Variants in EDIL3 observed in about 807,000 individuals in gnomAD.
EDIL3 encodes the protein EGF-like repeat and discoidin I-like domain-containing protein 3.
A neutral mutation model predicts 67.4 loss-of-function variants in EDIL3; 37 were observed. That is an observed-to-expected ratio of 0.55 (90% confidence interval 0.42 to 0.72). The LOEUF (loss-of-function observed/expected upper bound fraction) is 0.72, where lower values mean the gene tolerates loss of function less well. Among genes scored for constraint, EDIL3 ranks in the 30% least tolerant of loss-of-function variants. EDIL3 has a pLI of 0.00. For missense variants in EDIL3, 527 were observed against 586.3 expected, an observed-to-expected ratio of 0.90 and a Z score of 1.04; for synonymous variants, 195 against 196.3, an observed-to-expected ratio of 0.99 and a Z score of 0.05.
intron 9 of EDIL3, among the ~76,000 whole-genome samples, chr5:84,053,302 C>G (rs1029680500): frequency 1.3e-5 from 2 of 152,128 alleles, no homozygotes; most frequent in Non-Finnish European, 2.9e-5. Flanking sequence ...GGGACACATT[C>G]AAAGCAGTGG....
intron 2 of EDIL3, among the ~76,000 whole-genome samples, chr5:84,237,718 G>T (rs1468226977): frequency 1.3e-5 from 2 of 152,020 alleles, no homozygotes; most frequent in East Asian, 3.9e-4. Flanking sequence ...TTGTAAGAAA[G>T]ATTTTTAAAA....
chr5:84,369,978 A>T (rs1747811434), intron 1 of EDIL3, among the ~76,000 whole-genome samples: 1 of 152,190 alleles, frequency 6.6e-6, no homozygotes, highest in African/African-American at 2.4e-5. Flanking sequence ...CTAGAAATTA[A>T]CTGCCTTTCC....
chr5:84,161,096 GT>G (rs1345341964), intron 4 of EDIL3, among the ~76,000 whole-genome samples: 6 of 151,874 alleles, frequency 4.0e-5, no homozygotes, highest in Admixed American at 3.9e-4. Context: ...ACAATAGTTG[GT>G]TTTCCATTCC....
chr5:84,344,355 A>G, intron 1 of EDIL3, among the ~76,000 whole-genome samples: 1 of 152,146 alleles, frequency 6.6e-6, no homozygotes, highest in East Asian at 1.9e-4. Flanking sequence ...TCCAATGTTC[A>G]CCACTAGTCA....
intron 2 of EDIL3, among the ~76,000 whole-genome samples, chr5:84,252,044 G>A (rs1745032677): frequency 1.3e-5 from 2 of 152,184 alleles, no homozygotes; most frequent in Admixed American, 1.3e-4. Context: ...TTCTATAAGC[G>A]TTTAATTTCC....
At chr5:84,217,711 T>C (rs530309130) in intron 3 of EDIL3, among the ~76,000 whole-genome samples, 3 of 106,132 alleles carry the variant, frequency 2.8e-5, no homozygotes, top group African/African-American at 1.1e-4. Flanking sequence ...ATCTATCTAT[T>C]ATACACACAA....
chr5:84,068,200 G>A (rs1340643448), intron 6 of EDIL3, among the ~76,000 whole-genome samples: 1 of 152,086 alleles, frequency 6.6e-6, no homozygotes, highest in African/African-American at 2.4e-5. Flanking sequence ...CGCTATGAAA[G>A]AGTCATATTC....
chr5:84,217,642 T>C (rs950667475), intron 3 of EDIL3, among the ~76,000 whole-genome samples: 8 of 151,804 alleles, frequency 5.3e-5, no homozygotes, highest in Non-Finnish European at 8.8e-5. Context: ...CTACACATTT[T>C]AGACTTGCCA....
rs138705276 is a variant in EDIL3 at position 84,028,772 on chromosome 5, T to C, written c.1137+31528A>G. Reference sequence around the variant, plus strand: ...TTAAATATATATATATACATAGATATACTAGTATATATAATATTGCTTTGT... The same window carrying C: ...TTAAATATATATATATACATAGATACACTAGTATATATAATATTGCTTTGT... On this transcript the variant is annotated intron_variant, in intron 9 of 10. Coordinates refer to ENST00000296591, the MANE Select transcript of EDIL3 (RefSeq NM_005711.5). Among the ~76,000 whole-genome samples, 897 of 152,146 alleles carry C rather than the reference T, an allele frequency of 5.9e-3. 12 individuals are homozygous for C. Among genetic ancestry groups the C allele is most frequent in the African/African-American group, 0.021 (863 of 41,514 alleles).
chr5:84,285,741 T>C (rs1745795333), intron 1 of EDIL3, among the ~76,000 whole-genome samples: 1 of 152,180 alleles, frequency 6.6e-6, no homozygotes, highest in South Asian at 2.1e-4. Context: ...GCACTTTCAG[T>C]GATAGTGGCT....
intron 2 of EDIL3, among the ~76,000 whole-genome samples, chr5:84,249,270 C>T (rs1744973176): frequency 6.6e-6 from 1 of 152,018 alleles, no homozygotes; most frequent in South Asian, 2.1e-4. Flanking sequence ...CTAGATGTTA[C>T]TTTTTCAGGT....
At chr5:84,361,427 C>T (rs1747596743) in intron 1 of EDIL3, among the ~76,000 whole-genome samples, 1 of 151,906 alleles carries the variant, frequency 6.6e-6, no homozygotes, top group South Asian at 2.1e-4. Flanking sequence ...ATAGAAGAGG[C>T]ACTTATTTAT....
chr5:84,376,450 G>C (rs900300774), intron 1 of EDIL3, among the ~76,000 whole-genome samples: 15 of 152,268 alleles, frequency 9.9e-5, no homozygotes, highest in African/African-American at 2.6e-4. Context: ...AAATCACTTA[G>C]AAGCAGCTTT....
intron 4 of EDIL3, among the ~76,000 whole-genome samples, chr5:84,165,136 T>G (rs373720061): frequency 2.6e-5 from 4 of 152,304 alleles, no homozygotes; most frequent in African/African-American, 9.6e-5. Context: ...ATTGTGAAGC[T>G]GGTGTCCCTA....
At chr5:83,999,876 G>A (rs185435662) in intron 9 of EDIL3, among the ~76,000 whole-genome samples, 1 of 151,856 alleles carries the variant, frequency 6.6e-6, no homozygotes, top group Non-Finnish European at 1.5e-5. Context: ...CAATGATAAA[G>A]AAAGGATCCT....
At chr5:84,348,067 G>C (rs184647563) in intron 1 of EDIL3, among the ~76,000 whole-genome samples, 2 of 152,292 alleles carry the variant, frequency 1.3e-5, no homozygotes, top group East Asian at 3.9e-4. Flanking sequence ...AGGGAGAAAA[G>C]TGGTCCATGA....
chr5:84,307,166 G>C (rs180977937), intron 1 of EDIL3, among the ~76,000 whole-genome samples: 3 of 152,182 alleles, frequency 2.0e-5, no homozygotes, highest in Admixed American at 6.5e-5. Flanking sequence ...ATTCCAAAGT[G>C]AGTGATAGGA....
intron 4 of EDIL3, among the ~76,000 whole-genome samples, chr5:84,172,897 C>T (rs1748836813): frequency 6.6e-6 from 1 of 152,142 alleles, no homozygotes; most frequent in Non-Finnish European, 1.5e-5. Context: ...GCTCTCCTGT[C>T]CAGCCTACTG....
chr5:84,316,797 C>A (rs892694650), intron 1 of EDIL3, among the ~76,000 whole-genome samples: 5 of 152,256 alleles, frequency 3.3e-5, no homozygotes, highest in African/African-American at 1.2e-4. Context: ...CCTAAATCAA[C>A]AGAATATACA....
Sources: gnomAD v4.1 joint callset for allele counts (sites outside exome capture counted in the v4.1 genomes callset) on GRCh38, gnomAD v4.1.1 for gene constraint, MANE v1.5 for transcripts, NCBI Gene and HGNC (gene_info 2026-07-23, HGNC 2026-07-21) for gene names.